Variants in SYN3 observed in about 807,000 individuals in gnomAD.
SYN3 encodes the protein synapsin III.
In SYN3, 35 loss-of-function variants were observed where a neutral mutation model predicts 65.8. The ratio of observed to expected loss-of-function variants is 0.53; its 90% CI spans 0.41 to 0.70. SYN3 has a LOEUF of 0.70. Among genes scored for constraint, SYN3 ranks in the 30% least tolerant of loss-of-function variants. The pLI is 0.00. For missense variants in SYN3, 680 were observed against 749.0 expected (o/e 0.91, Z 1.08); for synonymous variants, 270 against 292.9 (o/e 0.92, Z 0.80).
chr22:32,963,859 G>C (rs547453694), intron 3 of SYN3, among the ~76,000 whole-genome samples: 2 of 152,284 alleles, frequency 1.3e-5, no homozygotes, highest in Admixed American at 1.3e-4. Context: ...AGCAAATTAA[G>C]ACGAGTAATC....
intron 12 of SYN3, chr22:32,527,623 T>G: frequency 2.0e-5 from 5 of 255,726 alleles, no homozygotes; most frequent in South Asian, 1.8e-4. Flanking sequence ...AAAAAGGAAA[T>G]AATGACATTT....
At chr22:32,998,185 C>G (rs141641090) in intron 2 of SYN3, among the ~76,000 whole-genome samples, 1 of 152,246 alleles carries the variant, frequency 6.6e-6, no homozygotes, top group Non-Finnish European at 1.5e-5. Flanking sequence ...TAGGCATGGG[C>G]AAATACAGAC....
chr22:32,904,113 G>T (rs553750868), intron 4 of SYN3, among the ~76,000 whole-genome samples: 2 of 152,242 alleles, frequency 1.3e-5, no homozygotes, highest in Admixed American at 6.5e-5. Flanking sequence ...TAATAAATGA[G>T]ACTTGTTTAA....
At chr22:32,829,188 A>T (rs2047501141) in intron 6 of SYN3, among the ~76,000 whole-genome samples, 1 of 152,194 alleles carries the variant, frequency 6.6e-6, no homozygotes, top group African/African-American at 2.4e-5. Flanking sequence ...TGCCGGCTTT[A>T]GTCCCAGGCC....
chr22:32,990,328 C>CCATG (rs2052665065), intron 2 of SYN3, among the ~76,000 whole-genome samples: 1 of 151,456 alleles, frequency 6.6e-6, no homozygotes, highest in Non-Finnish European at 1.5e-5. Flanking sequence ...ATCCATCCAT[C>CCATG]CATCCATCCA....
intron 6 of SYN3, chr22:32,857,431 C>A (rs964471061): frequency 3.3e-5 from 38 of 1,148,252 alleles, no homozygotes; most frequent in Non-Finnish European, 4.7e-5. Context: ...CAGAAGAACA[C>A]ATACGGAGTA....
chr22:32,607,301 G>T (rs549784171), intron 6 of SYN3, among the ~76,000 whole-genome samples: 1 of 152,202 alleles, frequency 6.6e-6, no homozygotes, highest in Middle Eastern at 3.4e-3. Context: ...GATCCCGGCC[G>T]CCAGGTGCTG....
chr22:32,966,276 T>C (rs148899787), intron 3 of SYN3, among the ~76,000 whole-genome samples: 1,638 of 152,230 alleles, frequency 0.011, 10 homozygotes, highest in South Asian at 0.019. Context: ...GGAGCTAATG[T>C]TGAAGAATCT....
chr22:33,034,172 C>T (rs936032224), intron 1 of SYN3, among the ~76,000 whole-genome samples: 1 of 145,232 alleles, frequency 6.9e-6, no homozygotes, highest in Non-Finnish European at 1.5e-5. Flanking sequence ...GGTGACAGAG[C>T]AAGACTCTGT....
In SYN3 at chr22:32,837,428, C is replaced by T. The variant is rs1409116446; in HGVS notation, c.711+27487G>A. Among the ~76,000 whole-genome samples, 1 of 152,060 alleles carries T rather than the reference C, an allele frequency of 6.6e-6. No individual in the cohort carries two copies. Among genetic ancestry groups the T allele is most frequent in the Non-Finnish European group, 1.5e-5 (1 of 68,010 alleles). The stretch of plus-strand genomic sequence containing the variant: ...GAGCTTTTGAGAGGTCAGCATGCCC[C>T]CTTAAACTTGATGTCTCCTCAGAGC... On this transcript the variant is annotated intron_variant, in intron 6 of 13. Transcript: ENST00000358763. The surrounding 1 kb of genome is among the most constrained non-coding windows in gnomAD (Gnocchi z 4.1).
chr22:32,905,711 T>A (rs1475250886), intron 4 of SYN3, among the ~76,000 whole-genome samples: 1 of 152,152 alleles, frequency 6.6e-6, no homozygotes, highest in East Asian at 1.9e-4. Flanking sequence ...TTGAAGCAGG[T>A]CTGTGTGGCT....
chr22:33,055,975 G>A (rs980815036), intron 1 of SYN3, among the ~76,000 whole-genome samples: 1 of 152,196 alleles, frequency 6.6e-6, no homozygotes, highest in Non-Finnish European at 1.5e-5. Flanking sequence ...TTTGGAAAGT[G>A]TAACAAATCA....
chr22:32,881,049 C>T (rs572814608), intron 4 of SYN3, among the ~76,000 whole-genome samples: 1 of 152,346 alleles, frequency 6.6e-6, no homozygotes, highest in Non-Finnish European at 1.5e-5. Context: ...CGACAGCTGC[C>T]TGAGCTCCAG....
intron 7 of SYN3, among the ~76,000 whole-genome samples, chr22:32,557,566 T>C (rs1286720291): frequency 6.6e-6 from 1 of 152,218 alleles, no homozygotes; most frequent in African/African-American, 2.4e-5. Flanking sequence ...GATGAGCCTC[T>C]GGCCATGACG....
intron 6 of SYN3, among the ~76,000 whole-genome samples, chr22:32,735,612 G>C (rs2061328429): frequency 6.6e-6 from 1 of 152,076 alleles, no homozygotes; most frequent in Non-Finnish European, 1.5e-5. Flanking sequence ...TGATTATCTA[G>C]AAGGGGATCT....
intron 7 of SYN3, among the ~76,000 whole-genome samples, chr22:32,585,740 A>T (rs9621504): frequency 0.037 from 5,626 of 151,642 alleles, 210 homozygotes; most frequent in African/African-American, 0.092. Context: ...TACACAGAGA[A>T]GCAGGATGAC....
chr22:32,535,781 C>CG (rs370373433), intron 9 of SYN3, among the ~76,000 whole-genome samples: 50,895 of 146,738 alleles, frequency 0.35, 9,170 homozygotes, highest in East Asian at 0.67. Flanking sequence ...CTTGGAGAAT[C>CG]GGGGGGGGGG....
intron 4 of SYN3, among the ~76,000 whole-genome samples, chr22:32,877,203 C>T (rs1345999932): frequency 6.6e-6 from 1 of 152,216 alleles, no homozygotes; most frequent in Non-Finnish European, 1.5e-5. Flanking sequence ...CAGATGGCTT[C>T]TTCTGTGTCC....
At chr22:33,024,519 A>C (rs527323616) in intron 1 of SYN3, among the ~76,000 whole-genome samples, 1 of 152,332 alleles carries the variant, frequency 6.6e-6, no homozygotes, top group Non-Finnish European at 1.5e-5. Context: ...GGTACATTGG[A>C]GTACAGGGAA....
Sources: allele counts gnomAD v4.1 joint callset (sites outside exome capture counted in the v4.1 genomes callset), GRCh38; gene constraint gnomAD v4.1.1; non-coding constraint Gnocchi (gnomAD v3.1); transcripts MANE v1.5; gene names NCBI Gene and HGNC (gene_info 2026-07-23, HGNC 2026-07-21).